The following ZC3H14 variants were observed in gnomAD, a reference collection of about 807,000 sequenced individuals.
ZC3H14 encodes the protein zinc finger CCCH-type containing 14.
A neutral mutation model predicts 92.4 loss-of-function variants in ZC3H14; 31 were observed. The observed-to-expected ratio is 0.34, with a 90% CI of 0.25 to 0.45. The LOEUF (loss-of-function observed/expected upper bound fraction) is 0.45, where lower values mean the gene tolerates loss of function less well. Ranked by LOEUF, ZC3H14 falls within the 20% of genes least tolerant of loss-of-function variation. The pLI is 1.00. For missense variants in ZC3H14, 781 were observed against 897.3 expected, an observed-to-expected ratio of 0.87 and a Z score of 1.66; for synonymous variants, 321 against 300.9, an observed-to-expected ratio of 1.07 and a Z score of -0.69.
In ZC3H14 at chr14:88,626,719, G is replaced by A. The variant is rs1376529966; in HGVS notation, c.*14968G>A. The A allele has an allele frequency of 1.0e-6, 1 of 977,262 alleles. No individual in the cohort carries two copies. The highest frequency in any genetic ancestry group is 1.6e-5 in the African/African-American group (1 of 61,566). 60.5% of individuals were successfully genotyped at this position (977,262 alleles called of 1,614,324 possible). ...GAAAGATGAAATATATGCTTGACCA[G>A]GGCATGTAATGATTAGCAGATCACA... is the stretch of plus-strand genomic sequence containing the variant. On this transcript the variant is annotated 3_prime_UTR_variant, in exon 17 of 17. Transcript: ENST00000251038.
intron 9 of ZC3H14, among the ~76,000 whole-genome samples, chr14:88,593,508 G>A (rs1408362335): frequency 6.6e-6 from 1 of 152,146 alleles, no homozygotes; most frequent in Non-Finnish European, 1.5e-5. Context: ...AGACTGTGTG[G>A]TACTGGCATA....
chr14:88,621,403 T>C lies in ZC3H14; in HGVS notation c.*9652T>C. 1.4e-6 allele frequency: 2 copies of C among 1,441,492 alleles called. No individual in the cohort carries two copies. Among genetic ancestry groups the C allele is most frequent in the Non-Finnish European group, 1.9e-6 (2 of 1,042,574 alleles). The allele number at this position is 1,441,492 out of a possible 1,614,324, so 89.3% of individuals were successfully genotyped here. Reference sequence around the variant, plus strand: ...TATTGACCTGCTTTCAGAGAACTTTTTGCTTTGAGCTAATCTAGTAGCAAG... The same window carrying C: ...TATTGACCTGCTTTCAGAGAACTTTCTGCTTTGAGCTAATCTAGTAGCAAG... On this transcript the variant is annotated 3_prime_UTR_variant, in exon 17 of 17. Transcript: ENST00000251038.
In ZC3H14 at chr14:88,563,109, C is replaced by T. The variant is rs1263971164; in HGVS notation, c.-25C>T. 2 of 1,580,760 alleles carry T rather than the reference C, an allele frequency of 1.3e-6. No individual in the cohort carries two copies. Among genetic ancestry groups the T allele is most frequent in the Non-Finnish European group, 1.7e-6 (2 of 1,168,690 alleles). On this transcript the variant is annotated 5_prime_UTR_variant, in exon 1 of 17. Coordinates refer to ENST00000251038, the MANE Select transcript of ZC3H14 (RefSeq NM_024824.5). Reference sequence around the variant, plus strand: ...CGGGTAAGCCAAGCGCCGCGCAGTGCTGAGTTCCCGCACGCCGCAGAGCCA... The same window carrying T: ...CGGGTAAGCCAAGCGCCGCGCAGTGTTGAGTTCCCGCACGCCGCAGAGCCA...
Position 88,563,092 on chromosome 14 carries a change from C to T in ZC3H14, c.-42C>T. 6.4e-7 allele frequency: 1 copy of T among 1,563,870 alleles called. No individual in the cohort carries two copies. Among genetic ancestry groups the T allele is most frequent in the Non-Finnish European group, 8.6e-7 (1 of 1,161,328 alleles). ...GAGTCCGCGGCAGCCTCCGGGTAAG[C>T]CAAGCGCCGCGCAGTGCTGAGTTCC... On this transcript the variant is annotated 5_prime_UTR_variant, in exon 1 of 17. Transcript: ENST00000251038.
chr14:88,596,904 CT>C, intron 10 of ZC3H14, 96 bp downstream of exon 10: 4 of 1,018,000 alleles, frequency 3.9e-6, no homozygotes, highest in Non-Finnish European at 6.2e-6. Context: ...CTCTTAGATC[CT>C]GCCCTAAGAT....
intron 9 of ZC3H14, among the ~76,000 whole-genome samples, chr14:88,581,705 G>A (rs1374504710): frequency 4.6e-5 from 7 of 152,056 alleles, no homozygotes; most frequent in Admixed American, 2.0e-4. Context: ...GGTAGACCAC[G>A]TCCAAAGGAT....
chr14:88,590,205 T>TA (rs2082947737), intron 9 of ZC3H14: 1 of 152,298 alleles, frequency 6.6e-6, no homozygotes, highest in East Asian at 1.9e-4. Flanking sequence ...AGTGTGTTCT[T>TA]ACAAGGTGTG....
rs901799177 is a variant in ZC3H14 at position 88,618,517 on chromosome 14, G to A, written c.*6766G>A. ...ATAAGTGGGGGAGGAAAGGGGAGCT[G>A]TAGGTCAGAAGGTACAAAGGGAGGA... On this transcript the variant is annotated 3_prime_UTR_variant, in exon 17 of 17. Transcript: ENST00000251038. 10 of 1,176,760 alleles carry A rather than the reference G, an allele frequency of 8.5e-6. No individual in the cohort carries two copies. Among genetic ancestry groups the A allele is most frequent in the Middle Eastern group, 2.1e-4 (1 of 4,732 alleles). 72.9% of individuals were successfully genotyped at this position (1,176,760 alleles called of 1,614,324 possible).
chr14:88,599,322 A>C (rs909580906), intron 10 of ZC3H14, among the ~76,000 whole-genome samples: 3 of 152,182 alleles, frequency 2.0e-5, no homozygotes, highest in African/African-American at 7.2e-5. Context: ...TTCCACTTTG[A>C]AAATTTCTTT....
intron 2 of ZC3H14, among the ~76,000 whole-genome samples, chr14:88,567,088 G>GT (rs2079748391): frequency 6.8e-6 from 1 of 147,814 alleles, no homozygotes; most frequent in South Asian, 2.1e-4. Flanking sequence ...CACTAGGAGG[G>GT]TGTTTTTTGG....
At chr14:88,587,937 T>TA (rs891459843) in intron 9 of ZC3H14, among the ~76,000 whole-genome samples, 5 of 150,574 alleles carry the variant, frequency 3.3e-5, no homozygotes, top group East Asian at 1.9e-4. Context: ...TCTCTAAAAA[T>TA]AAAAAAAAAA....
At chr14:88,595,486 G>A (rs1200075926) in intron 9 of ZC3H14, among the ~76,000 whole-genome samples, 1 of 152,180 alleles carries the variant, frequency 6.6e-6, no homozygotes, top group East Asian at 1.9e-4. Context: ...GATGGAAAGA[G>A]CATTCTTCCT....
intron 9 of ZC3H14, among the ~76,000 whole-genome samples, chr14:88,587,965 A>G (rs2082654949): frequency 6.6e-6 from 1 of 152,156 alleles, no homozygotes; most frequent in African/African-American, 2.4e-5. Context: ...GACTATATAA[A>G]TATTACAAGG....
intron 9 of ZC3H14, chr14:88,590,863 A>T (rs950712867): frequency 6.6e-6 from 1 of 152,102 alleles, no homozygotes; most frequent in Non-Finnish European, 1.5e-5. Flanking sequence ...GTCTGAGTAA[A>T]TGTCACTCCT....
chr14:88,616,046 T>G lies in ZC3H14; in HGVS notation c.*4295T>G, dbSNP rs1357288908. On this transcript the variant is annotated 3_prime_UTR_variant, in exon 17 of 17. Coordinates refer to ENST00000251038, the MANE Select transcript of ZC3H14 (RefSeq NM_024824.5). The stretch of plus-strand genomic sequence containing the variant: ...TATACTACCTTCTACTAATGTTGAC[T>G]AGCTGATTTCATAAACCAAAGCTGT... 20 of 1,365,008 alleles carry G rather than the reference T, an allele frequency of 1.5e-5. 1 individual carries two copies. In the Admixed American group the frequency reaches 3.5e-4, roughly 24 times the overall value. The allele number at this position is 1,365,008 out of a possible 1,614,324, so 84.6% of individuals were successfully genotyped here. A position where few individuals can be genotyped will look rare whatever the true frequency, so the allele number is the denominator to read the frequency against.
At chr14:88,599,645 C>T (rs2084329171) in intron 10 of ZC3H14, among the ~76,000 whole-genome samples, 1 of 151,928 alleles carries the variant, frequency 6.6e-6, no homozygotes, top group African/African-American at 2.4e-5. Flanking sequence ...TGTCTTTATT[C>T]TTCTCATTCC....
intron 9 of ZC3H14, among the ~76,000 whole-genome samples, chr14:88,593,989 C>G (rs979846800): frequency 6.6e-6 from 1 of 152,046 alleles, no homozygotes; most frequent in African/African-American, 2.4e-5. Context: ...TCTTATTTCC[C>G]CATCCTTAAG....
chr14:88,585,009 G>GT (rs1326670008), intron 9 of ZC3H14, among the ~76,000 whole-genome samples: 6 of 152,230 alleles, frequency 3.9e-5, no homozygotes, highest in Non-Finnish European at 7.3e-5. Flanking sequence ...GTTGGCAACA[G>GT]TAAGTAGTTA....
rs2089505097 is a variant in ZC3H14 at position 88,623,948 on chromosome 14, GCCT to G, written c.*12198_*12200del. On this transcript the variant is annotated 3_prime_UTR_variant, in exon 17 of 17. Transcript: ENST00000251038. ...AGATGAATTGCTTGTCTGAAAGCAT[GCCT>G]ATGTGCATTCTTCCTTTATGTAAAA... 2 of 152,206 alleles carry G rather than the reference GCCT, an allele frequency of 1.3e-5. No individual in the cohort carries two copies. Among genetic ancestry groups the G allele is most frequent in the Non-Finnish European group, 2.9e-5 (2 of 68,046 alleles). 9.4% of individuals were successfully genotyped at this position (152,206 alleles called of 1,614,324 possible). A position where few individuals can be genotyped will look rare whatever the true frequency, so the allele number is the denominator to read the frequency against.
Sources: gnomAD v4.1 joint callset for allele counts (sites outside exome capture counted in the v4.1 genomes callset) on GRCh38, gnomAD v4.1.1 for gene constraint, MANE v1.5 for transcripts, NCBI Gene and HGNC (gene_info 2026-07-23, HGNC 2026-07-21) for gene names.